Variants in POU2AF1 observed in about 807,000 individuals in gnomAD.
POU2AF1 encodes the protein POU class 2 homeobox associating factor 1.
Under a neutral mutation model 26.3 loss-of-function variants are expected in POU2AF1, and 12 were observed. The observed-to-expected ratio is 0.46, with a 90% CI of 0.29 to 0.74. POU2AF1 has a LOEUF of 0.74. POU2AF1 is among the 30% of genes least tolerant of loss of function. POU2AF1 has a pLI of 0.09. For missense variants in POU2AF1, 297 were observed against 334.5 expected (o/e 0.89, Z 0.87); for synonymous variants, 175 against 148.0 (o/e 1.18, Z -1.32).
At chr11:111,375,390 C>CTTTTT (rs869115956) in intron 1 of POU2AF1, among the ~76,000 whole-genome samples, 28,216 of 79,462 alleles carry the variant, frequency 0.36, 8,722 homozygotes, top group Middle Eastern at 0.42. Context: ...TACTGAGTAT[C>CTTTTT]TTTTTTTTTT....
At chr11:111,377,899 A>T (rs1294582688) in intron 1 of POU2AF1, 1 of 178,906 alleles carries the variant, frequency 5.6e-6, no homozygotes, top group Admixed American at 6.3e-5. Flanking sequence ...ATTCCTAGTT[A>T]TCTTGGAAGG....
intron 1 of POU2AF1, among the ~76,000 whole-genome samples, chr11:111,362,405 A>T (rs1375004907): frequency 6.6e-6 from 1 of 152,144 alleles, no homozygotes; most frequent in African/African-American, 2.4e-5. Flanking sequence ...ACTGGATCAT[A>T]TTCATTCTAT....
Position 111,357,439 on chromosome 11 carries a change from A to T in POU2AF1, c.456+6T>A, listed in dbSNP as rs1388239677. ...GCGGGTGCAGTCCTGCCTTTGTGTG[A>T]CATACCGTGACATTGGTGATGAGTG... On this transcript the variant is annotated splice_donor_region_variant and intron_variant, in intron 4 of 4. Transcript: ENST00000393067. The T allele has an allele frequency of 1.2e-6, 2 of 1,613,996 alleles. No homozygotes were observed.
chr11:111,378,080 A>C (rs1461656913), intron 1 of POU2AF1, among the ~76,000 whole-genome samples: 1 of 152,222 alleles, frequency 6.6e-6, no homozygotes, highest in Admixed American at 6.5e-5. Context: ...ATAAGACATA[A>C]AGCAAACAAT....
Position 111,358,779 on chromosome 11 carries a change from A to T in POU2AF1, c.147+9T>A. 6.4e-7 allele frequency: 1 copy of T among 1,573,528 alleles called. No individual in the cohort carries two copies. Among genetic ancestry groups the T allele is most frequent in the Middle Eastern group, 1.7e-4 (1 of 6,018 alleles). On this transcript the variant is annotated intron_variant, in intron 2 of 4. Coordinates refer to ENST00000393067, the MANE Select transcript of POU2AF1 (RefSeq NM_006235.3). The stretch of plus-strand genomic sequence containing the variant: ...ACACACTCACACTCTCACACACACA[A>T]ACTCTCACCGCCGTAGGTGCAGGTG...
intron 1 of POU2AF1, among the ~76,000 whole-genome samples, chr11:111,377,217 C>CA (rs60511505): frequency 0.02 from 2,827 of 140,360 alleles, 36 homozygotes; most frequent in African/African-American, 0.037. Context: ...ACTAAAAATA[C>CA]AAAAAAAAAA....
chr11:111,358,403 T>C (rs201050516), intron 2 of POU2AF1, among the ~76,000 whole-genome samples: 1,637 of 21,958 alleles, frequency 0.075, 50 homozygotes, highest in African/African-American at 0.16. Flanking sequence ...CTCACACACA[T>C]ACTCTCTCAC....
chr11:111,365,605 T>C (rs535974829), intron 1 of POU2AF1, among the ~76,000 whole-genome samples: 2 of 152,350 alleles, frequency 1.3e-5, no homozygotes, highest in South Asian at 4.1e-4. Flanking sequence ...TTCAAGACTA[T>C]GGCCAACAAA....
chr11:111,357,931 A>AGC, intron 2 of POU2AF1, 94 bp from the exon 3 acceptor site: 2 of 1,293,126 alleles, frequency 1.5e-6, no homozygotes, highest in Non-Finnish European at 2.1e-6. Context: ...GGGCAGGAGA[A>AGC]TAGAAGATAG....
chr11:111,369,214 A>T (rs187305978), intron 1 of POU2AF1, among the ~76,000 whole-genome samples: 1 of 152,348 alleles, frequency 6.6e-6, no homozygotes, highest in Non-Finnish European at 1.5e-5. Context: ...GAGACGCCAA[A>T]CCCTGGAAAT....
At position 111,352,992 on chromosome 11, in the gene POU2AF1, AAG is replaced by A. The variant is rs1860760299; in HGVS notation, c.*1267_*1268del. The A allele has an allele frequency of 1.4e-5, 1 of 73,210 alleles. No individual in the cohort carries two copies. Among genetic ancestry groups the A allele is most frequent in the African/African-American group, 7.9e-5 (1 of 12,602 alleles). The allele number at this position is 73,210 out of a possible 1,614,324, so 4.5% of individuals were successfully genotyped here. On this transcript the variant is annotated 3_prime_UTR_variant, in exon 5 of 5. Coordinates refer to ENST00000393067, the MANE Select transcript of POU2AF1 (RefSeq NM_006235.3). ...AAGGAAGGAAGGAAGGAAGGAAGGAAAGAAGGAAGGAAGGAAGGAAGGAAGGA... is the reference window on the plus strand; with the variant it reads ...AAGGAAGGAAGGAAGGAAGGAAGGAAAAGGAAGGAAGGAAGGAAGGAAGGA...
intron 1 of POU2AF1, among the ~76,000 whole-genome samples, chr11:111,374,872 A>G (rs1487408882): frequency 1.3e-5 from 2 of 152,220 alleles, no homozygotes; most frequent in Admixed American, 1.3e-4. Context: ...GGCTTCCAAA[A>G]ATTATATGCA....
At chr11:111,367,308 A>C (rs777174660) in intron 1 of POU2AF1, among the ~76,000 whole-genome samples, 1 of 152,180 alleles carries the variant, frequency 6.6e-6, no homozygotes, top group Non-Finnish European at 1.5e-5. Context: ...TTTCCTGGTC[A>C]CATTCTTAAC....
rs202019796 is a variant in POU2AF1 at position 111,354,543 on chromosome 11, G to C, written c.489C>G (p.Pro163=). ...TRSSATPAVG[P]PLEGPEHQAP... ...CCTGGTGCTCTGGGCCCTCCAGCGG[G>C]GGCCCCACTGCGGGCGTGGCGGAGC... Residue 163 remains proline, a synonymous_variant, in exon 5 of 5, where the codon CCC becomes CCG. Coordinates refer to ENST00000393067, the MANE Select transcript of POU2AF1 (RefSeq NM_006235.3). The C allele has an allele frequency of 3.7e-5, 58 of 1,547,546 alleles. No individual in the cohort carries two copies. In the East Asian group the frequency reaches 1.3e-3, roughly 34 times the overall value.
intron 2 of POU2AF1, among the ~76,000 whole-genome samples, chr11:111,358,338 TCA>T (rs1860899519): frequency 2.2e-5 from 1 of 44,582 alleles, no homozygotes; most frequent in Admixed American, 2.7e-4. Context: ...TCACACACTC[TCA>T]CACTCTCACA....
At chr11:111,356,487 G>A (rs1030477988) in intron 4 of POU2AF1, among the ~76,000 whole-genome samples, 10 of 152,228 alleles carry the variant, frequency 6.6e-5, no homozygotes, top group Non-Finnish European at 1.5e-4. Flanking sequence ...ACCATCGAAG[G>A]TGGGCTCTGG....
At position 111,354,545 on chromosome 11, in the gene POU2AF1, G is replaced by C. The variant is rs746854296; in HGVS notation, c.487C>G (p.Pro163Ala). The C allele has an allele frequency of 2.6e-6, 4 of 1,545,570 alleles. No individual in the cohort carries two copies. The highest frequency in any genetic ancestry group is 3.5e-6 in the Non-Finnish European group (4 of 1,151,630). ...TRSSATPAVG[P>A]PLEGPEHQAP... ...TGGTGCTCTGGGCCCTCCAGCGGGG[G>C]CCCCACTGCGGGCGTGGCGGAGCTT... Residue 163 changes from proline to alanine, a missense_variant, in exon 5 of 5, where the codon CCC (proline) becomes GCC (alanine). Physicochemically the swap from Pro to Ala is conservative, Grantham distance 27. Coordinates refer to ENST00000393067, the MANE Select transcript of POU2AF1 (RefSeq NM_006235.3).
At chr11:111,376,426 T>C (rs555952247) in intron 1 of POU2AF1, among the ~76,000 whole-genome samples, 1 of 152,224 alleles carries the variant, frequency 6.6e-6, no homozygotes, top group Non-Finnish European at 1.5e-5. Flanking sequence ...AGGGAGAGAA[T>C]CTACAGATGG....
chr11:111,358,692 A>C, intron 2 of POU2AF1, 96 bp downstream of exon 2: 2 of 1,337,326 alleles, frequency 1.5e-6, no homozygotes, highest in Non-Finnish European at 2.0e-6. Flanking sequence ...ACACGCATAC[A>C]CATACTCACA....
Sources: gnomAD v4.1 joint callset for allele counts (sites outside exome capture counted in the v4.1 genomes callset) on GRCh38, gnomAD v4.1.1 for gene constraint, MANE v1.5 for transcripts, NCBI Gene and HGNC (gene_info 2026-07-23, HGNC 2026-07-21) for gene names.